Variants in OCRL observed in about 807,000 individuals in gnomAD.
The protein encoded by OCRL is OCRL inositol polyphosphate-5-phosphatase.
Under a neutral mutation model 78.9 loss-of-function variants are expected in OCRL, and 8 were observed. The ratio of observed to expected loss-of-function variants is 0.10; its 90% CI spans 0.06 to 0.18. The LOEUF is 0.18. Ranked by LOEUF, OCRL falls within the 10% of genes least tolerant of loss-of-function variation. The pLI, the probability that OCRL is intolerant of heterozygous loss-of-function variation, is 1.00. For synonymous variants in OCRL, 240 were observed against 235.4 expected (o/e 1.02, Z -0.18); for missense variants, 454 against 696.7 (o/e 0.65, Z 3.92).
intron 12 of OCRL, among the ~76,000 whole-genome samples, chrX:129,564,666 A>G (rs1040626766): frequency 9.1e-6 from 1 of 109,908 alleles, no homozygotes; most frequent in African/African-American, 3.3e-5. Flanking sequence ...GTGGGAATTG[A>G]ACAATGAGAA....
In OCRL at chrX:129,567,282, C is replaced by T; in HGVS notation, c.1385C>T (p.Ala462Val). 8.3e-7 allele frequency: 1 copy of T among 1,208,015 alleles called. No individual in the cohort carries two copies. Among genetic ancestry groups the T allele is most frequent in the Non-Finnish European group, 1.1e-6 (1 of 892,180 alleles). ...QLNIQRTQKKAFVDFNEGEIK... is the reference protein window; with the variant it reads ...QLNIQRTQKKVFVDFNEGEIK... ...AATATTCAGCGCACACAGAAAAAAG[C>T]TTTTGTTGACTTCAATGAAGGGGAA... Residue 462 changes from alanine to valine, a missense_variant, in exon 14 of 24, where the codon GCT becomes GTT. Around this residue, in one of 2 missense-constraint regions of OCRL, gnomAD observed 277 missense variants for 517.1 expected, o/e 0.54. Transcript: ENST00000371113.
At position 129,540,286 on chromosome X, in the gene OCRL, A is replaced by G; in HGVS notation, c.-154A>G. The G allele has an allele frequency of 1.7e-6, 1 of 598,177 alleles. No individual in the cohort carries two copies. The highest frequency in any genetic ancestry group is 2.7e-6 in the Non-Finnish European group (1 of 373,941). The allele number at this position is 598,177 out of a possible 1,213,427, so 49.3% of individuals were successfully genotyped here. A position where few individuals can be genotyped will look rare whatever the true frequency, so the allele number is the denominator to read the frequency against. ...CTCTTGGGTCAGATTCTCAGCTCCC[A>G]GCTCCCCGCTCCCGGCTCCCGGCGC... On this transcript the variant is annotated 5_prime_UTR_variant, in exon 1 of 24. Coordinates refer to ENST00000371113, the MANE Select transcript of OCRL (RefSeq NM_000276.4).
intron 20 of OCRL, among the ~76,000 whole-genome samples, chrX:129,587,461 G>A (rs776211542): frequency 1.4e-3 from 156 of 111,271 alleles, no homozygotes; most frequent in Non-Finnish European, 7.9e-4. Context: ...AGGCATTAGA[G>A]ATTGTAAAAT....
intron 13 of OCRL, 53 bp from the exon 14 acceptor site, chrX:129,567,201 C>T (rs943393848): frequency 4.4e-5 from 37 of 844,130 alleles, no homozygotes; most frequent in Admixed American, 9.0e-5. Flanking sequence ...CTGATTATCT[C>T]TTATATTAAG....
chrX:129,557,810 C>A, intron 5 of OCRL, 51 bp from the exon 6 acceptor site: 1 of 850,609 alleles, frequency 1.2e-6, no homozygotes, highest in Non-Finnish European at 1.8e-6. Context: ...ATAGTAAATT[C>A]TACTCAGTGA....
intron 2 of OCRL, among the ~76,000 whole-genome samples, chrX:129,544,236 A>C (rs1442605391): frequency 1.8e-5 from 2 of 111,745 alleles, no homozygotes; most frequent in Non-Finnish European, 3.8e-5. Context: ...ATGAAAAATT[A>C]ATATTTCAGG....
chrX:129,562,517 A>G lies in OCRL; in HGVS notation c.1056+17A>G. On this transcript the variant is annotated intron_variant, in intron 11 of 23. Transcript: ENST00000371113. Reference sequence around the variant, plus strand: ...GGGAAAATGGTGAGTTACTTTGGAAATGAGCTTGATTATTATTCATGTTCA... The same window carrying G: ...GGGAAAATGGTGAGTTACTTTGGAAGTGAGCTTGATTATTATTCATGTTCA... The G allele has an allele frequency of 8.4e-7, 1 of 1,189,211 alleles. No individual in the cohort carries two copies. The highest frequency in any genetic ancestry group is 1.1e-6 in the Non-Finnish European group (1 of 875,088).
intron 17 of OCRL, 115 bp from the exon 18 acceptor site, chrX:129,576,201 TC>T: frequency 1.1e-6 from 1 of 898,421 alleles, no homozygotes; most frequent in Non-Finnish European, 1.6e-6. Context: ...TCCTGTCTCT[TC>T]CCCCTCATTG....
chrX:129,571,364 T>G (rs1191531281), intron 15 of OCRL, among the ~76,000 whole-genome samples: 1 of 80,419 alleles, frequency 1.2e-5, no homozygotes, highest in African/African-American at 5.9e-5. Context: ...TGTTTTTTGG[T>G]TTTTTTTTTT....
intron 19 of OCRL, among the ~76,000 whole-genome samples, chrX:129,584,959 T>TC (rs1936490633): frequency 2.7e-5 from 3 of 110,954 alleles, no homozygotes; most frequent in African/African-American, 6.7e-5. Context: ...AGTCATGCAC[T>TC]GTACCCACTT....
chrX:129,540,457 G>A lies in OCRL; in HGVS notation c.18G>A (p.Pro6=). 2.6e-6 allele frequency: 3 copies of A among 1,156,043 alleles called. No homozygotes were observed. The highest frequency in any genetic ancestry group is 2.3e-6 in the Non-Finnish European group (2 of 871,556). MEPPL[P]VGAQPLATVE... is the part of the protein sequence containing the mutation. ...CCGCCTGGATGGAGCCGCCGCTCCC[G>A]GTCGGAGCCCAGCCGCTTGCCGTAT... Residue 6 remains proline (P), a synonymous_variant, in exon 1 of 24, where the codon CCG becomes CCA. Coordinates refer to ENST00000371113, the MANE Select transcript of OCRL (RefSeq NM_000276.4).
intron 15 of OCRL, among the ~76,000 whole-genome samples, chrX:129,570,454 G>T (rs1936285250): frequency 8.9e-6 from 1 of 111,934 alleles, no homozygotes; most frequent in African/African-American, 3.3e-5. Context: ...TCTTTCCTCT[G>T]TGTGTGTGTT....
chrX:129,556,448 C>T (rs930712725), intron 4 of OCRL, among the ~76,000 whole-genome samples: 4 of 111,638 alleles, frequency 3.6e-5, no homozygotes, highest in African/African-American at 9.8e-5. Flanking sequence ...ACCCTGCATG[C>T]GTACCCTGCC....
chrX:129,577,170 C>G (rs1269578426), intron 18 of OCRL, among the ~76,000 whole-genome samples: 1 of 111,591 alleles, frequency 9.0e-6, no homozygotes, highest in East Asian at 2.8e-4. Context: ...GCAATGGAAT[C>G]AGAATCTCAG....
At chrX:129,553,679 T>C (rs954861610) in intron 4 of OCRL, among the ~76,000 whole-genome samples, 1 of 112,008 alleles carries the variant, frequency 8.9e-6, no homozygotes, top group Non-Finnish European at 1.9e-5. Context: ...AGTTTCCATG[T>C]GATAGCTTTA....
intron 13 of OCRL, among the ~76,000 whole-genome samples, chrX:129,566,629 G>A (rs995204449): frequency 6.2e-5 from 7 of 112,199 alleles, no homozygotes; most frequent in African/African-American, 2.3e-4. Context: ...TCTTTAAATC[G>A]TTATGAGAGC....
chrX:129,587,716 A>C (rs1469215217), intron 20 of OCRL, among the ~76,000 whole-genome samples: 3 of 107,756 alleles, frequency 2.8e-5, no homozygotes, highest in Non-Finnish European at 5.7e-5. Context: ...TTCTGTTTGG[A>C]CTCTGCCTTC....
At chrX:129,548,509 G>A in intron 3 of OCRL, 54 bp from the exon 4 acceptor site, 1 of 944,704 alleles carries the variant, frequency 1.1e-6, no homozygotes, top group Non-Finnish European at 1.5e-6. Flanking sequence ...TCTTTTGGTT[G>A]TAGTGAGTGG....
intron 22 of OCRL, 145 bp downstream of exon 22, chrX:129,589,158 T>C (rs1341882221): frequency 6.3e-6 from 4 of 630,046 alleles, no homozygotes; most frequent in African/African-American, 2.2e-5. Context: ...CATTGAGAGT[T>C]GCTACCCTTA....
Sources: gnomAD v4.1 joint callset for allele counts (sites outside exome capture counted in the v4.1 genomes callset) on GRCh38, gnomAD v4.1.1 for gene constraint, gnomAD v4.1.1 regional missense constraint, MANE v1.5 for transcripts, NCBI Gene and HGNC (gene_info 2026-07-23, HGNC 2026-07-21) for gene names.